The following EIF4G3 variants were observed in gnomAD, a reference collection of about 807,000 sequenced individuals.
The protein encoded by EIF4G3 is eukaryotic translation initiation factor 4 gamma 3.
Under a neutral mutation model 186.4 loss-of-function variants are expected in EIF4G3, and 34 were observed. The ratio of observed to expected loss-of-function variants is 0.18; its 90% CI spans 0.14 to 0.24. EIF4G3 has a LOEUF of 0.24. Among genes scored for constraint, EIF4G3 ranks in the 10% least tolerant of loss-of-function variants. The probability of loss-of-function intolerance (pLI) is 1.00; values close to 1 mark genes in which losing one functional copy is unlikely to be tolerated. For missense variants in EIF4G3, 1,536 were observed against 1,948.5 expected (o/e 0.79, Z 3.99); for synonymous variants, 673 against 679.5 (o/e 0.99, Z 0.15).
chr1:21,034,441 C>T (rs2093011916), intron 4 of EIF4G3, among the ~76,000 whole-genome samples: 1 of 152,208 alleles, frequency 6.6e-6, no homozygotes, highest in African/African-American at 2.4e-5. Context: ...GAGCAGTACT[C>T]TACACAAATT....
intron 14 of EIF4G3, among the ~76,000 whole-genome samples, chr1:20,913,940 G>T (rs570625534): frequency 2.7e-4 from 41 of 151,614 alleles, no homozygotes; most frequent in African/African-American, 9.9e-4. Context: ...CTCAGCAGCT[G>T]GGACTACAGG....
intron 13 of EIF4G3, among the ~76,000 whole-genome samples, chr1:20,943,974 T>TTTTGTGTGTGTG (rs2095829221): frequency 3.2e-5 from 2 of 62,468 alleles, no homozygotes; most frequent in Admixed American, 3.1e-4. Flanking sequence ...TTTATTTTTT[T>TTTTGTGTGTGTG]TGTGTGTGTG....
chr1:21,077,386 G>GC (rs1274720017), intron 3 of EIF4G3, among the ~76,000 whole-genome samples: 1 of 146,548 alleles, frequency 6.8e-6, no homozygotes, highest in African/African-American at 2.6e-5. Context: ...GGGCAACAGA[G>GC]CAAGGCCCTG....
intron 9 of EIF4G3, among the ~76,000 whole-genome samples, chr1:20,980,776 C>A (rs2077774170): frequency 6.6e-6 from 1 of 152,096 alleles, no homozygotes. Context: ...TCACTGAGTC[C>A]ATTTTAGAGC....
chr1:20,991,089 T>C (rs909275280), intron 7 of EIF4G3, among the ~76,000 whole-genome samples: 5 of 152,222 alleles, frequency 3.3e-5, no homozygotes, highest in South Asian at 2.1e-4. Flanking sequence ...AGGTGTCAAT[T>C]TGATAATCTG....
Position 20,941,676 on chromosome 1 carries a change from G to A in EIF4G3, c.1478C>T (p.Thr493Ile). The change falls in exon 14 of 37, where the codon ACT becomes ATT. Residue 493 changes from threonine to isoleucine, a missense_variant. By Grantham distance (89) the Thr-to-Ile change is moderately conservative (BLOSUM62 -1). Coordinates refer to ENST00000602326, the MANE Select transcript of EIF4G3 (RefSeq NM_001391906.1). ...GGCAGCACTCGGAGAACTAACAGTAGTGGCAGCAGCAGGAACAATGACTGG... is the reference window on the plus strand; with the variant it reads ...GGCAGCACTCGGAGAACTAACAGTAATGGCAGCAGCAGGAACAATGACTGG... ...HTPVIVPAAA[T>I]TVSSPSAAIT... is the part of the protein sequence containing the mutation. 1 of 1,613,640 alleles carries A rather than the reference G, an allele frequency of 6.2e-7. No homozygotes were observed.
chr1:20,807,556 A>T, intron 36 of EIF4G3, 56 bp from the exon 37 acceptor site: 1 of 1,384,584 alleles, frequency 7.2e-7, no homozygotes, highest in East Asian at 2.5e-5. Flanking sequence ...TATGAGGAAA[A>T]GAATATATTT....
At chr1:20,887,013 A>G (rs1248842661) in intron 18 of EIF4G3, among the ~76,000 whole-genome samples, 2 of 152,224 alleles carry the variant, frequency 1.3e-5, no homozygotes, top group Admixed American at 6.5e-5. Context: ...CACACTAAGT[A>G]GAGATAACAG....
At chr1:21,097,769 T>C (rs1190294878) in intron 2 of EIF4G3, among the ~76,000 whole-genome samples, 2 of 152,122 alleles carry the variant, frequency 1.3e-5, no homozygotes, top group African/African-American at 4.8e-5. Context: ...TGCAAACCAA[T>C]GACACTCTCT....
At chr1:21,109,171 T>G (rs963288390) in intron 2 of EIF4G3, among the ~76,000 whole-genome samples, 1 of 152,178 alleles carries the variant, frequency 6.6e-6, no homozygotes, top group African/African-American at 2.4e-5. Flanking sequence ...TGAGCTGAGA[T>G]CACAGCACCG....
chr1:21,091,976 C>T (rs1035679233), intron 2 of EIF4G3, among the ~76,000 whole-genome samples: 14 of 152,110 alleles, frequency 9.2e-5, no homozygotes, highest in Admixed American at 9.2e-4. Context: ...TAATTGAATA[C>T]CCTTTATTTC....
In EIF4G3 at chr1:21,176,264, C is replaced by CGCCGCT. The variant is rs1433209819; in HGVS notation, c.-362_-361insAGCGGC. 3.3e-6 allele frequency: 1 copy of CGCCGCT among 305,240 alleles called. No individual in the cohort carries two copies. The highest frequency in any genetic ancestry group is 5.8e-6 in the Non-Finnish European group (1 of 173,080). The allele number at this position is 305,240 out of a possible 1,614,324, so 18.9% of individuals were successfully genotyped here. A position where few individuals can be genotyped will look rare whatever the true frequency, so the allele number is the denominator to read the frequency against. On this transcript the variant is annotated 5_prime_UTR_variant, in exon 2 of 37. Coordinates refer to ENST00000602326, the MANE Select transcript of EIF4G3 (RefSeq NM_001391906.1). ...CCGCCGCCGCCGCCGCCGCCGCCGC[C>CGCCGCT]GCTGCTGCCGCCGCCGGGTGAGGAG...
At chr1:20,816,309 G>A (rs1251119616) in intron 34 of EIF4G3, among the ~76,000 whole-genome samples, 7 of 20,134 alleles carry the variant, frequency 3.5e-4, no homozygotes, top group African/African-American at 8.1e-4. Context: ...CAGCCGCCCC[G>A]TCCGGGAGGG....
intron 2 of EIF4G3, among the ~76,000 whole-genome samples, chr1:21,133,623 T>C (rs538548857): frequency 5.3e-5 from 8 of 152,348 alleles, no homozygotes; most frequent in South Asian, 2.1e-4. Context: ...AAAGGAAACA[T>C]AGTCCTACCT....
chr1:21,056,116 CA>C (rs2154578073), intron 3 of EIF4G3, among the ~76,000 whole-genome samples: 1 of 152,274 alleles, frequency 6.6e-6, no homozygotes, highest in African/African-American at 2.4e-5. Flanking sequence ...AAACAACTTT[CA>C]GGGGTATATC....
At chr1:21,172,500 C>G (rs1456095072) in intron 2 of EIF4G3, among the ~76,000 whole-genome samples, 1 of 152,132 alleles carries the variant, frequency 6.6e-6, no homozygotes, top group Non-Finnish European at 1.5e-5. Flanking sequence ...ATAAACTTGC[C>G]ACATCTATTG....
rs1460220728 is a variant in EIF4G3, at chr1:21,050,971, C to T, written c.-172G>A. 3 of 717,280 alleles carry T rather than the reference C, an allele frequency of 4.2e-6. No homozygotes were observed. The highest frequency in any genetic ancestry group is 2.0e-5 in the Admixed American group (1 of 49,920). The allele number at this position is 717,280 out of a possible 1,614,324, so 44.4% of individuals were successfully genotyped here. A position where few individuals can be genotyped will look rare whatever the true frequency, so the allele number is the denominator to read the frequency against. ...AATAAGGGGATGGGGTAGGGGTTCC[C>T]GGCTGTCTTGCCACTTGTGTTACCT... On this transcript the variant is annotated 5_prime_UTR_variant, in exon 4 of 37. Transcript: ENST00000602326.
At chr1:20,818,691 C>A (rs576285305) in intron 33 of EIF4G3, among the ~76,000 whole-genome samples, 28 of 151,992 alleles carry the variant, frequency 1.8e-4, no homozygotes, top group Non-Finnish European at 3.2e-4. Context: ...TTTCAAAGGA[C>A]TAAAGAAATG....
At chr1:20,989,794 A>C (rs2080638402) in intron 7 of EIF4G3, among the ~76,000 whole-genome samples, 1 of 152,208 alleles carries the variant, frequency 6.6e-6, no homozygotes, top group Admixed American at 6.5e-5. Flanking sequence ...GCAGAGTTTG[A>C]GATTGACTCC....
Sources: gnomAD v4.1 joint callset for allele counts (sites outside exome capture counted in the v4.1 genomes callset) on GRCh38, gnomAD v4.1.1 for gene constraint, MANE v1.5 for transcripts, NCBI Gene and HGNC (gene_info 2026-07-23, HGNC 2026-07-21) for gene names.